TAOK3: variants seen among roughly 807,000 people sequenced by gnomAD.
TAOK3 encodes TAO kinase 3, also known as serine/threonine-protein kinase TAO3.
TAOK3 carries 40 observed loss-of-function variants against 120.4 expected under a neutral mutation model. The ratio of observed to expected loss-of-function variants is 0.33; its 90% CI spans 0.26 to 0.43. The LOEUF is 0.43. TAOK3 is among the 20% of genes least tolerant of loss of function. The pLI, the probability that TAOK3 is intolerant of heterozygous loss-of-function variation, is 1.00. For synonymous variants in TAOK3, 355 were observed against 387.5 expected, an observed-to-expected ratio of 0.92 and a Z score of 0.99; for missense variants, 821 against 1,112.1, an observed-to-expected ratio of 0.74 and a Z score of 3.72.
chr12:118,354,842 A>C (rs978706217), intron 1 of TAOK3, among the ~76,000 whole-genome samples: 2 of 152,150 alleles, frequency 1.3e-5, no homozygotes, highest in African/African-American at 4.8e-5. Flanking sequence ...CTGTGAGTCC[A>C]TTAAACCTCT....
rs920342332 is a variant in TAOK3 at position 118,246,434 on chromosome 12, T to C, written c.121-1469A>G. 7 of 1,334,264 alleles carry C rather than the reference T, an allele frequency of 5.2e-6. No homozygotes were observed. The African/African-American group carries it at 7.3e-5, about 14-fold the overall frequency. The allele number at this position is 1,334,264 out of a possible 1,614,324, so 82.7% of individuals were successfully genotyped here. A position where few individuals can be genotyped will look rare whatever the true frequency, so the allele number is the denominator to read the frequency against. ...TTATGCCAGTGCAGAAGCAGACCCGTGCCAGCCAGCGCACCAGGTTCAAGG... is the reference window on the plus strand; with the variant it reads ...TTATGCCAGTGCAGAAGCAGACCCGCGCCAGCCAGCGCACCAGGTTCAAGG... On this transcript the variant is annotated intron_variant, in intron 3 of 20. Coordinates refer to ENST00000392533, the MANE Select transcript of TAOK3 (RefSeq NM_016281.4).
At chr12:118,155,755 G>C (rs1480640486) in intron 19 of TAOK3, among the ~76,000 whole-genome samples, 4 of 151,784 alleles carry the variant, frequency 2.6e-5, no homozygotes, top group Non-Finnish European at 2.9e-5. Flanking sequence ...TTTTTTTTAA[G>C]AGTCCCAGTC....
intron 16 of TAOK3, among the ~76,000 whole-genome samples, chr12:118,175,456 T>C (rs1479873467): frequency 6.6e-6 from 1 of 151,950 alleles, no homozygotes; most frequent in Non-Finnish European, 1.5e-5. Context: ...TGAAACTCTG[T>C]TTCTACTAAA....
At chr12:118,282,546 T>C (rs1305524908) in intron 1 of TAOK3, among the ~76,000 whole-genome samples, 2 of 152,132 alleles carry the variant, frequency 1.3e-5, no homozygotes, top group Admixed American at 6.5e-5. Context: ...TAGTTGCAAA[T>C]AATAGAAACC....
Position 118,172,547 on chromosome 12 carries a change from T to G in TAOK3, c.1809A>C (p.Gln603His), listed in dbSNP as rs767160320. 8.1e-6 allele frequency: 13 copies of G among 1,614,154 alleles called. No homozygotes were observed. In the South Asian group the frequency reaches 1.4e-4, roughly 18 times the overall value. Residue 603 changes from glutamine (Q) to histidine (H), a missense_variant, in exon 17 of 21, where the codon CAA (glutamine) becomes CAC (histidine). By Grantham distance (24) the Gln-to-His change is conservative. This residue lies in a region of TAOK3 where 354 missense variants were observed against 572.1 expected (regional missense o/e 0.62). Coordinates refer to ENST00000392533, the MANE Select transcript of TAOK3 (RefSeq NM_016281.4). ...AATTTTTGTCGTAGTACAGTCTCTG[T>G]TGAGTGAGAAGGTGGGCTTCCTCTT... ...QAEEEAHLLT[Q>H]QRLYYDKNCR...
chr12:118,261,435 A>G (rs1014998722), intron 2 of TAOK3: 1 of 152,164 alleles, frequency 6.6e-6, no homozygotes, highest in Non-Finnish European at 1.5e-5. Context: ...GTATCCAGAG[A>G]AAAAAAGCAT....
chr12:118,367,820 G>GA (rs1324681331), intron 1 of TAOK3, among the ~76,000 whole-genome samples: 1 of 151,094 alleles, frequency 6.6e-6, no homozygotes, highest in Non-Finnish European at 1.5e-5. Context: ...GAAAACTAGG[G>GA]AAAAAATTAT....
intron 1 of TAOK3, among the ~76,000 whole-genome samples, chr12:118,336,346 C>T (rs913807485): frequency 2.6e-5 from 4 of 152,152 alleles, no homozygotes; most frequent in East Asian, 1.9e-4. Context: ...AGTGATTCAA[C>T]GGAGAAAAAA....
rs757697270 is a variant in TAOK3 at position 118,152,366 on chromosome 12, C to T, written c.2396G>A (p.Arg799Lys). 4 of 1,613,904 alleles carry T rather than the reference C, an allele frequency of 2.5e-6. No individual in the cohort carries two copies. Among genetic ancestry groups the T allele is most frequent in the East Asian group, 4.5e-5 (2 of 44,886 alleles). Residue 799 changes from arginine to lysine, a missense_variant, in exon 20 of 21, where the codon AGG (arginine) becomes AAG (lysine). Coordinates refer to ENST00000392533, the MANE Select transcript of TAOK3 (RefSeq NM_016281.4). ...EAQEAECQAL[R>K]LQLQQEMELL... ...CTCCATTTCCTGCTGGAGCTGTAGC[C>T]TCAAGGCCTGGCATTCTGCTTCTTG...
chr12:118,324,911 A>T (rs958528115), intron 1 of TAOK3, among the ~76,000 whole-genome samples: 1 of 150,630 alleles, frequency 6.6e-6, no homozygotes, highest in Non-Finnish European at 1.5e-5. Context: ...GGCCCAGCTA[A>T]TTTTTTTTGT....
At position 118,290,028 on chromosome 12, in the gene TAOK3, C is replaced by T. The variant is rs1244373720; in HGVS notation, c.-193-23269G>A. ...AAAAAGAGAAAGAAATAGAATGAAT[C>T]CTATCAGTCCTTATATACCATCTGA... On this transcript the variant is annotated intron_variant, in intron 1 of 20. Coordinates refer to ENST00000392533, the MANE Select transcript of TAOK3 (RefSeq NM_016281.4). Among the ~76,000 whole-genome samples, 6 of 151,948 alleles carry T rather than the reference C, an allele frequency of 3.9e-5. No homozygotes were observed. In the South Asian group the frequency reaches 1.0e-3, roughly 26 times the overall value.
chr12:118,272,305 A>AAAAAG (rs1357620101), intron 1 of TAOK3, among the ~76,000 whole-genome samples: 14 of 148,742 alleles, frequency 9.4e-5, no homozygotes, highest in East Asian at 6.1e-4. Context: ...AAAAAAAAAA[A>AAAAAG]AAAGAAAGAA....
chr12:118,348,845 C>CA (rs2044998406), intron 1 of TAOK3, among the ~76,000 whole-genome samples: 1 of 127,812 alleles, frequency 7.8e-6, no homozygotes, highest in East Asian at 2.2e-4. Flanking sequence ...AAAATAATTT[C>CA]TTTTTTTTTT....
chr12:118,209,634 G>A (rs2038517378), intron 11 of TAOK3, among the ~76,000 whole-genome samples: 1 of 151,998 alleles, frequency 6.6e-6, no homozygotes, highest in Non-Finnish European at 1.5e-5. Flanking sequence ...TCTGGCCTCA[G>A]GTGATCTGCC....
At chr12:118,263,563 G>C (rs1175193308) in intron 2 of TAOK3, among the ~76,000 whole-genome samples, 1 of 152,114 alleles carries the variant, frequency 6.6e-6, no homozygotes, top group African/African-American at 2.4e-5. Flanking sequence ...GCAAGATATT[G>C]GGAGAAAATC....
chr12:118,181,238 G>C (rs547723015), intron 15 of TAOK3, 133 bp downstream of exon 15: 1 of 720,880 alleles, frequency 1.4e-6, no homozygotes, highest in South Asian at 1.7e-5. Context: ...ATAAAATCTA[G>C]AAACCCAATT....
At chr12:118,367,613 G>A (rs1486713119) in intron 1 of TAOK3, among the ~76,000 whole-genome samples, 1 of 152,016 alleles carries the variant, frequency 6.6e-6, no homozygotes, top group Non-Finnish European at 1.5e-5. Flanking sequence ...AATTAAATGG[G>A]TGATAAAGCT....
chr12:118,225,224 G>GGTGACAA (rs1042006656), intron 9 of TAOK3, among the ~76,000 whole-genome samples: 10 of 146,334 alleles, frequency 6.8e-5, no homozygotes, highest in Admixed American at 5.5e-4. Flanking sequence ...CTCTAGCCTG[G>GGTGACAA]GTGACAAGTG....
intron 1 of TAOK3, among the ~76,000 whole-genome samples, chr12:118,349,662 A>G (rs993742328): frequency 2.0e-5 from 3 of 152,240 alleles, no homozygotes; most frequent in Admixed American, 2.0e-4. Context: ...AATGTTCTAG[A>G]GTTAGATAGT....
Sources: allele counts gnomAD v4.1 joint callset (sites outside exome capture counted in the v4.1 genomes callset), GRCh38; gene constraint gnomAD v4.1.1; regional missense constraint gnomAD v4.1.1; transcripts MANE v1.5; gene names NCBI Gene and HGNC (gene_info 2026-07-23, HGNC 2026-07-21).